RAB5B: variants seen among roughly 807,000 people sequenced by gnomAD.
RAB5B encodes RAB5B, member RAS oncogene family.
Under a neutral mutation model 28.6 loss-of-function variants are expected in RAB5B, and 11 were observed. The observed-to-expected ratio is 0.38, with a 90% CI of 0.24 to 0.64. The LOEUF is 0.64. Among genes scored for constraint, RAB5B ranks in the 30% least tolerant of loss-of-function variants. The probability of loss-of-function intolerance (pLI) is 0.53; values close to 1 mark genes in which losing one functional copy is unlikely to be tolerated. For missense variants in RAB5B, 169 were observed against 265.6 expected (o/e 0.64, Z 2.53); for synonymous variants, 93 against 97.9 (o/e 0.95, Z 0.29).
intron 1 of RAB5B, among the ~76,000 whole-genome samples, chr12:55,976,111 C>T (rs1889640820): frequency 6.6e-6 from 1 of 152,108 alleles, no homozygotes; most frequent in African/African-American, 2.4e-5. Flanking sequence ...GGAAGGTGTA[C>T]AGCAGTTTAA....
chr12:55,974,649 G>C (rs990798089), intron 1 of RAB5B, among the ~76,000 whole-genome samples: 1 of 152,200 alleles, frequency 6.6e-6, no homozygotes, highest in Non-Finnish European at 1.5e-5. Context: ...ATTGTAAAAA[G>C]AACTGAGGGT....
intron 1 of RAB5B, among the ~76,000 whole-genome samples, chr12:55,984,336 C>A (rs1026431599): frequency 1.3e-5 from 2 of 152,056 alleles, no homozygotes; most frequent in Non-Finnish European, 2.9e-5. Context: ...ACTACAGGCA[C>A]GCGCCACCAC....
In RAB5B at chr12:55,993,452, C is replaced by A. The variant is rs1263610027; in HGVS notation, c.*1240C>A. 1 of 152,592 alleles carries A rather than the reference C, an allele frequency of 6.6e-6. No homozygotes were observed. 9.5% of individuals were successfully genotyped at this position (152,592 alleles called of 1,614,324 possible). On this transcript the variant is annotated 3_prime_UTR_variant, in exon 6 of 6. Transcript: ENST00000360299. ...AATTAATTGAGCAATTGAGGAGTGT[C>A]TCAGGATAGCACAGGCCAAGGTAGG...
Position 55,995,991 on chromosome 12 carries a change from A to ATTT in RAB5B, c.*3780_*3781insTTT, listed in dbSNP as rs1406160824. On this transcript the variant is annotated 3_prime_UTR_variant, in exon 6 of 6. Coordinates refer to ENST00000360299, the MANE Select transcript of RAB5B (RefSeq NM_002868.4). ...TCTCTCCATATATATATACATATAT[A>ATTT]TATATATATATATTTTTTTTTTAAC... 3.9e-4 allele frequency: 38 copies of ATTT among 97,928 alleles called. 1 individual carries two copies. The highest frequency in any genetic ancestry group is 9.8e-4 in the African/African-American group (18 of 18,364). 6.1% of individuals were successfully genotyped at this position (97,928 alleles called of 1,614,324 possible).
At position 55,988,288 on chromosome 12, in the gene RAB5B, C is replaced by T. The variant is rs559729603; in HGVS notation, c.163+1165C>T. On this transcript the variant is annotated intron_variant, in intron 2 of 5. Transcript: ENST00000360299. ...CGGAGGTTGCAGTGAGCCAAAATCA[C>T]GCCAGTGCATTTTATCCTAGGCGAA... is the stretch of plus-strand genomic sequence containing the variant. Among the ~76,000 whole-genome samples the T allele has an allele frequency of 2.6e-5, 4 of 152,254 alleles. No homozygotes were observed. The South Asian group carries it at 6.2e-4, about 24-fold the overall frequency.
chr12:55,979,795 G>T (rs898832970), intron 1 of RAB5B, among the ~76,000 whole-genome samples: 1 of 152,114 alleles, frequency 6.6e-6, no homozygotes, highest in African/African-American at 2.4e-5. Flanking sequence ...CTAAGCTCTC[G>T]ATCCTGTCCT....
chr12:55,987,601 G>T (rs1050532913), intron 2 of RAB5B, among the ~76,000 whole-genome samples: 1 of 151,926 alleles, frequency 6.6e-6, no homozygotes, highest in African/African-American at 2.4e-5. Context: ...AGGCCAAGAT[G>T]GGCGGATCAC....
intron 1 of RAB5B, among the ~76,000 whole-genome samples, chr12:55,974,684 T>G (rs540698629): frequency 5.7e-4 from 87 of 152,088 alleles, no homozygotes; most frequent in African/African-American, 2.1e-3. Context: ...CTGAGAGAGA[T>G]TTGGGTTCAG....
chr12:55,978,919 T>G (rs1420210057), intron 1 of RAB5B, among the ~76,000 whole-genome samples: 3 of 152,032 alleles, frequency 2.0e-5, no homozygotes, highest in Non-Finnish European at 4.4e-5. Flanking sequence ...ATTACAAGCC[T>G]GTGCCAACAT....
At chr12:55,980,487 T>C in intron 1 of RAB5B, 1 of 1,592,232 alleles carries the variant, frequency 6.3e-7, no homozygotes, top group Non-Finnish European at 8.6e-7. Flanking sequence ...CTGGGAGGCT[T>C]GTTGCCGTTT....
rs191856743 is a variant in RAB5B, at chr12:55,990,143, C to T, written c.315+45C>T. On this transcript the variant is annotated intron_variant, in intron 3 of 5. Coordinates refer to ENST00000360299, the MANE Select transcript of RAB5B (RefSeq NM_002868.4). ...TGTCCTTGTTGGCTGGACATGGTGG[C>T]TTACGCCTATAATCCCAACACTTTA... 60 of 1,568,242 alleles carry T rather than the reference C, an allele frequency of 3.8e-5. No individual in the cohort carries two copies. The Admixed American group carries it at 1.1e-3, about 28-fold the overall frequency.
At position 55,996,426 on chromosome 12, in the gene RAB5B, A is replaced by T. The variant is rs1890309471; in HGVS notation, c.*4214A>T. On this transcript the variant is annotated 3_prime_UTR_variant, in exon 6 of 6. Coordinates refer to ENST00000360299, the MANE Select transcript of RAB5B (RefSeq NM_002868.4). ...TTTATGCCCCTTACTTTGAGATAAGAGACTACAACCTTCATACTTCGGGGT... is the reference window on the plus strand; with the variant it reads ...TTTATGCCCCTTACTTTGAGATAAGTGACTACAACCTTCATACTTCGGGGT... 1 of 152,152 alleles carries T rather than the reference A, an allele frequency of 6.6e-6. No homozygotes were observed. The highest frequency in any genetic ancestry group is 1.9e-4 in the East Asian group (1 of 5,192). 9.4% of individuals were successfully genotyped at this position (152,152 alleles called of 1,614,324 possible). A position where few individuals can be genotyped will look rare whatever the true frequency, so the allele number is the denominator to read the frequency against.
Position 55,992,081 on chromosome 12 carries a change from C to A in RAB5B, c.533-16C>A. 6.2e-7 allele frequency: 1 copy of A among 1,605,958 alleles called. No individual in the cohort carries two copies. The highest frequency in any genetic ancestry group is 8.5e-7 in the Non-Finnish European group (1 of 1,172,706). On this transcript the variant is annotated splice_polypyrimidine_tract_variant and intron_variant, in intron 5 of 5. Transcript: ENST00000360299. ...AAAGTCTACCATACTTTGTTCTCTT[C>A]TCTTTTTATCTCTAGCTAAGAAGTT...
In RAB5B at chr12:55,986,609, T is replaced by C. The variant is rs1052840002; in HGVS notation, c.-92-260T>C. ...CTTTGAAGACCTGGTGGGGAATTACTGGGGAATTAAAAACTCTCAGTTTTC... is the reference window on the plus strand; with the variant it reads ...CTTTGAAGACCTGGTGGGGAATTACCGGGGAATTAAAAACTCTCAGTTTTC... On this transcript the variant is annotated intron_variant, in intron 1 of 5. Coordinates refer to ENST00000360299, the MANE Select transcript of RAB5B (RefSeq NM_002868.4). Among the ~76,000 whole-genome samples, 5 of 152,196 alleles carry C rather than the reference T, an allele frequency of 3.3e-5. No homozygotes were observed. The East Asian group carries it at 9.6e-4, about 29-fold the overall frequency.
Position 55,996,003 on chromosome 12 carries a change from A to ATATATATATATATATATATATTT in RAB5B, c.*3792_*3793insATATATATATATATATATATTTT. On this transcript the variant is annotated 3_prime_UTR_variant, in exon 6 of 6. Coordinates refer to ENST00000360299, the MANE Select transcript of RAB5B (RefSeq NM_002868.4). ...TATATACATATATATATATATATAT[A>ATATATATATATATATATATATTT]TTTTTTTTTTAACAACTGGTAGGAT... The ATATATATATATATATATATATTT allele has an allele frequency of 2.1e-5, 2 of 97,428 alleles. No individual in the cohort carries two copies. The highest frequency in any genetic ancestry group is 4.0e-5 in the Non-Finnish European group (2 of 50,488). 6.0% of individuals were successfully genotyped at this position (97,428 alleles called of 1,614,324 possible).
intron 1 of RAB5B, among the ~76,000 whole-genome samples, chr12:55,982,768 G>T (rs534437000): frequency 6.6e-6 from 1 of 152,284 alleles, no homozygotes; most frequent in African/African-American, 2.4e-5. Context: ...TGCAACTCAA[G>T]CGTGTCTGCA....
At chr12:55,983,271 G>A (rs968412846) in intron 1 of RAB5B, among the ~76,000 whole-genome samples, 4 of 151,984 alleles carry the variant, frequency 2.6e-5, no homozygotes, top group African/African-American at 9.7e-5. Flanking sequence ...GTAGAGACGG[G>A]GTTTCACTAT....
At chr12:55,978,238 G>T (rs933516631) in intron 1 of RAB5B, among the ~76,000 whole-genome samples, 1 of 152,272 alleles carries the variant, frequency 6.6e-6, no homozygotes, top group South Asian at 2.1e-4. Flanking sequence ...GGTGGCATGC[G>T]CCTGTAATCC....
rs1209241664 is a variant in RAB5B, at chr12:55,992,575, C to G, written c.*363C>G. ...TTCAGAAAACACTTCTGACTCCTGT[C>G]CCTTCCCCTTCTGCTTTTGGTCAGT... On this transcript the variant is annotated 3_prime_UTR_variant, in exon 6 of 6. Transcript: ENST00000360299. 2 of 466,144 alleles carry G rather than the reference C, an allele frequency of 4.3e-6. No individual in the cohort carries two copies. Among genetic ancestry groups the G allele is most frequent in the Admixed American group, 4.7e-5 (2 of 42,164 alleles). 28.9% of individuals were successfully genotyped at this position (466,144 alleles called of 1,614,324 possible). A position where few individuals can be genotyped will look rare whatever the true frequency, so the allele number is the denominator to read the frequency against.
Sources: allele counts gnomAD v4.1 joint callset (sites outside exome capture counted in the v4.1 genomes callset), GRCh38; gene constraint gnomAD v4.1.1; transcripts MANE v1.5; gene names NCBI Gene and HGNC (gene_info 2026-07-23, HGNC 2026-07-21).